The following PIK3C3 variants were observed in gnomAD, a reference collection of about 807,000 sequenced individuals.
PIK3C3 encodes phosphatidylinositol 3-kinase catalytic subunit type 3, also known as PI3-kinase type 3.
A neutral mutation model predicts 126.1 loss-of-function variants in PIK3C3; 95 were observed. The observed-to-expected ratio is 0.75, with a 90% CI of 0.64 to 0.89. PIK3C3 has a LOEUF of 0.89. PIK3C3 is among the 40% of genes least tolerant of loss of function. The pLI is 0.00. For missense variants in PIK3C3, 829 were observed against 1,063.2 expected (o/e 0.78, Z 3.06); for synonymous variants, 374 against 360.0 (o/e 1.04, Z -0.44).
chr18:41,966,359 G>A (rs1010423476), intron 3 of PIK3C3, among the ~76,000 whole-genome samples: 1 of 151,582 alleles, frequency 6.6e-6, no homozygotes, highest in Admixed American at 6.6e-5. Context: ...TAGTATAGGC[G>A]GGGTTTCACC....
In PIK3C3 at chr18:41,970,458, T is replaced by TA. The variant is rs772354291; in HGVS notation, c.531+9dup. 5.6e-5 allele frequency: 91 copies of TA among 1,613,480 alleles called. 1 individual carries two copies. Among genetic ancestry groups the TA allele is most frequent in the South Asian group, 1.4e-4 (13 of 91,082 alleles). On this transcript the variant is annotated splice_region_variant and intron_variant, in intron 4 of 24. Coordinates refer to ENST00000262039, the MANE Select transcript of PIK3C3 (RefSeq NM_002647.4). Reference sequence around the variant, plus strand: ...GATCAGATGAGCCGTCTTGCCAAGGTAAAAAAAGTCATTTGGAACAGGTGC... The same window carrying TA: ...GATCAGATGAGCCGTCTTGCCAAGGTAAAAAAAAGTCATTTGGAACAGGTGC...
intron 1 of PIK3C3, among the ~76,000 whole-genome samples, chr18:41,956,285 A>T (rs1241905358): frequency 2.6e-5 from 4 of 152,200 alleles, no homozygotes; most frequent in Non-Finnish European, 5.9e-5. Flanking sequence ...GAAGTCCCTT[A>T]TTCGCTGACA....
At chr18:42,072,663 C>CT (rs1352582388) in intron 24 of PIK3C3, among the ~76,000 whole-genome samples, 16 of 152,172 alleles carry the variant, frequency 1.1e-4, no homozygotes. Flanking sequence ...TCCCTGGTAG[C>CT]TAGGAGTACA....
rs1351154353 is a variant in PIK3C3, at chr18:42,087,379, G to A, written c.*6242G>A. 2.6e-5 allele frequency: 4 copies of A among 152,180 alleles called. No individual in the cohort carries two copies. The highest frequency in any genetic ancestry group is 3.9e-4 in the East Asian group (2 of 5,186). 9.4% of individuals were successfully genotyped at this position (152,180 alleles called of 1,614,324 possible). A position where few individuals can be genotyped will look rare whatever the true frequency, so the allele number is the denominator to read the frequency against. On this transcript the variant is annotated 3_prime_UTR_variant, in exon 25 of 25. Transcript: ENST00000262039. Reference sequence around the variant, plus strand: ...TTTGCAAGGTGCATGTGGAAGGCTGGTCGCCCCACCCTAATCTTATGCAAA... The same window carrying A: ...TTTGCAAGGTGCATGTGGAAGGCTGATCGCCCCACCCTAATCTTATGCAAA...
intron 6 of PIK3C3, among the ~76,000 whole-genome samples, chr18:41,991,107 T>C (rs1419839291): frequency 6.6e-6 from 1 of 152,182 alleles, no homozygotes; most frequent in East Asian, 1.9e-4. Context: ...CTGCCCATTA[T>C]GCTACAGAAA....
At chr18:42,067,583 A>G in intron 24 of PIK3C3, 70 bp downstream of exon 24, 1 of 1,510,418 alleles carries the variant, frequency 6.6e-7, no homozygotes, top group Non-Finnish European at 9.1e-7. Flanking sequence ...TTGGAGAGCC[A>G]TGCATTTCTC....
intron 5 of PIK3C3, among the ~76,000 whole-genome samples, chr18:41,989,047 TTAAG>T (rs1981641261): frequency 6.6e-6 from 1 of 152,098 alleles, no homozygotes; most frequent in South Asian, 2.1e-4. Context: ...GCTGAAGAAT[TTAAG>T]TAACCTCTTC....
In PIK3C3 at chr18:42,073,127, A is replaced by C. The variant is rs1457387856; in HGVS notation, c.2649+5614A>C. 2.6e-5 allele frequency among the ~76,000 whole-genome samples: 4 copies of C among 152,360 alleles called. No individual in the cohort carries two copies. In the East Asian group the frequency reaches 7.7e-4, roughly 29 times the overall value. On this transcript the variant is annotated intron_variant, in intron 24 of 24. Transcript: ENST00000262039. ...TTTTGTTTTTCAGAATGACTGTAAA[A>C]AAATAAATAACCAATAGATTGGGTT... is the stretch of plus-strand genomic sequence containing the variant.
chr18:42,079,797 C>G (rs1598966247), intron 24 of PIK3C3, among the ~76,000 whole-genome samples: 1 of 152,202 alleles, frequency 6.6e-6, no homozygotes, highest in Admixed American at 6.5e-5. Context: ...TGCAGTTTGG[C>G]TTTTACCTGC....
intron 16 of PIK3C3, among the ~76,000 whole-genome samples, chr18:42,035,822 A>T (rs1984024994): frequency 6.6e-6 from 1 of 152,170 alleles, no homozygotes; most frequent in South Asian, 2.1e-4. Context: ...CTTAGAGCTG[A>T]AAAGGCTAGG....
intron 23 of PIK3C3, among the ~76,000 whole-genome samples, chr18:42,067,153 T>A (rs1985576310): frequency 6.6e-6 from 1 of 152,194 alleles, no homozygotes; most frequent in Non-Finnish European, 1.5e-5. Flanking sequence ...CTTTTCTTTT[T>A]TCTTAAAAAC....
intron 5 of PIK3C3, among the ~76,000 whole-genome samples, chr18:41,990,036 T>A (rs1238535046): frequency 1.3e-5 from 2 of 152,182 alleles, no homozygotes; most frequent in Non-Finnish European, 2.9e-5. Context: ...TCCTTTTGAT[T>A]TTTGTTACAC....
At chr18:41,987,180 T>G (rs1269532820) in intron 4 of PIK3C3, among the ~76,000 whole-genome samples, 2 of 152,062 alleles carry the variant, frequency 1.3e-5, no homozygotes, top group Non-Finnish European at 2.9e-5. Flanking sequence ...TTGAGGTCCT[T>G]GGAACTTACC....
At chr18:42,062,504 C>G (rs1212721865) in intron 22 of PIK3C3, among the ~76,000 whole-genome samples, 1 of 151,890 alleles carries the variant, frequency 6.6e-6, no homozygotes, top group African/African-American at 2.4e-5. Flanking sequence ...TTATGTATAG[C>G]CCAAGACAAT....
intron 7 of PIK3C3, among the ~76,000 whole-genome samples, chr18:41,995,180 G>T (rs1383072038): frequency 6.6e-6 from 1 of 151,928 alleles, no homozygotes; most frequent in Non-Finnish European, 1.5e-5. Flanking sequence ...GACCAACAAA[G>T]CCAAAAGACA....
chr18:42,042,862 T>C lies in PIK3C3; in HGVS notation c.2104-871T>C, dbSNP rs544164353. The stretch of plus-strand genomic sequence containing the variant: ...GTGTTGCCAAACTTCAAACTCTTCG[T>C]ACCTCTTTTTGGTTTGCATTTCCCT... On this transcript the variant is annotated intron_variant, in intron 19 of 24. Transcript: ENST00000262039. 2.6e-5 allele frequency among the ~76,000 whole-genome samples: 4 copies of C among 152,368 alleles called. 1 individual carries two copies. In the South Asian group the frequency reaches 8.3e-4, roughly 32 times the overall value.
intron 9 of PIK3C3, among the ~76,000 whole-genome samples, chr18:41,997,675 A>G (rs1982093129): frequency 6.6e-6 from 1 of 152,136 alleles, no homozygotes; most frequent in African/African-American, 2.4e-5. Flanking sequence ...GGAATTCTTT[A>G]AATCCCATAA....
At chr18:41,974,516 T>C (rs181892485) in intron 4 of PIK3C3, among the ~76,000 whole-genome samples, 1 of 152,276 alleles carries the variant, frequency 6.6e-6, no homozygotes, top group African/African-American at 2.4e-5. Flanking sequence ...TAGTAGGGAA[T>C]GAAAGAAATG....
intron 24 of PIK3C3, among the ~76,000 whole-genome samples, chr18:42,074,703 AT>A (rs1183954068): frequency 6.6e-6 from 1 of 152,110 alleles, no homozygotes; most frequent in Non-Finnish European, 1.5e-5. Flanking sequence ...TACTTTATTC[AT>A]ACTAACTTTC....
Sources: gnomAD v4.1 joint callset for allele counts (sites outside exome capture counted in the v4.1 genomes callset) on GRCh38, gnomAD v4.1.1 for gene constraint, MANE v1.5 for transcripts, NCBI Gene and HGNC (gene_info 2026-07-23, HGNC 2026-07-21) for gene names.